NDST4: variants seen among roughly 807,000 people sequenced by gnomAD.
NDST4 encodes N-deacetylase and N-sulfotransferase 4, also known as N-heparan sulfate sulfotransferase 4.
In NDST4, 63 loss-of-function variants were observed where a neutral mutation model predicts 100.8. That is an observed-to-expected ratio of 0.62 (90% confidence interval 0.51 to 0.77). NDST4 has a LOEUF of 0.77. Among genes scored for constraint, NDST4 ranks in the 30% least tolerant of loss-of-function variants. The pLI is 0.00. For synonymous variants in NDST4, 377 were observed against 361.8 expected (o/e 1.04, Z -0.48); for missense variants, 943 against 1,018.4 (o/e 0.93, Z 1.01).
rs1372386707 is a variant in NDST4, at chr4:114,827,951, G to C, written c.2500-16C>G. On this transcript the variant is annotated splice_polypyrimidine_tract_variant and intron_variant, in intron 13 of 13. Transcript: ENST00000264363. Reference sequence around the variant, plus strand: ...ACGTTCTAGACTGGAAAGAAAAAAAGAAGAACTTGAAAGAAGCTCTTTGTT... The same window carrying C: ...ACGTTCTAGACTGGAAAGAAAAAAACAAGAACTTGAAAGAAGCTCTTTGTT... The C allele has an allele frequency of 1.6e-5, 25 of 1,576,920 alleles. No homozygotes were observed. The highest frequency in any genetic ancestry group is 2.1e-5 in the Non-Finnish European group (24 of 1,169,022).
intron 9 of NDST4, among the ~76,000 whole-genome samples, chr4:114,847,643 G>A (rs978482276): frequency 1.3e-4 from 20 of 151,814 alleles, no homozygotes; most frequent in African/African-American, 4.9e-4. Flanking sequence ...TTTAGTTTAG[G>A]GGAAATACTG....
chr4:114,970,664 AT>A, intron 3 of NDST4, 80 bp from the exon 4 acceptor site: 1 of 1,236,970 alleles, frequency 8.1e-7, no homozygotes, highest in Non-Finnish European at 1.1e-6. Flanking sequence ...ATTTATGTTA[AT>A]TTTTCATGCT....
chr4:115,011,600 T>C (rs1359844510), intron 2 of NDST4, among the ~76,000 whole-genome samples: 1 of 151,888 alleles, frequency 6.6e-6, no homozygotes, highest in Non-Finnish European at 1.5e-5. Flanking sequence ...ATTAGAGAAA[T>C]AGCAGTTTCA....
At chr4:115,045,005 G>A (rs962362268) in intron 2 of NDST4, among the ~76,000 whole-genome samples, 9 of 151,818 alleles carry the variant, frequency 5.9e-5, no homozygotes, top group South Asian at 4.2e-4. Context: ...TGGTATATAT[G>A]AAATGCAAGT....
chr4:114,986,832 A>ATATATATATATATTTTTTTTT, intron 2 of NDST4, among the ~76,000 whole-genome samples: 31 of 94,640 alleles, frequency 3.3e-4, no homozygotes, highest in South Asian at 1.3e-3. Context: ...ATATATATAT[A>ATATATATATATATTTTTTTTT]TTTTAATATA....
intron 2 of NDST4, among the ~76,000 whole-genome samples, chr4:115,040,222 A>T (rs1468518358): frequency 2.0e-5 from 3 of 151,066 alleles, no homozygotes; most frequent in Non-Finnish European, 4.4e-5. Context: ...GTAATCTATA[A>T]ATATTAAAAA....
intron 2 of NDST4, among the ~76,000 whole-genome samples, chr4:115,006,449 GT>G (rs1207294129): frequency 6.6e-6 from 1 of 152,076 alleles, no homozygotes; most frequent in African/African-American, 2.4e-5. Flanking sequence ...GAAAAAAGGG[GT>G]AGTAATAAAT....
chr4:114,986,651 C>T (rs1369388789), intron 2 of NDST4, among the ~76,000 whole-genome samples: 2 of 151,500 alleles, frequency 1.3e-5, no homozygotes, highest in Non-Finnish European at 2.9e-5. Flanking sequence ...TTCCCATGCT[C>T]TACTGAATTG....
At position 114,985,980 on chromosome 4, in the gene NDST4, G is replaced by A. The variant is rs186310501; in HGVS notation, c.979-8706C>T. ...TTAGCGTCGTTAATTTCAAAACTTT[G>A]TTACACAGGATTGGAGGGTAAGTTT... On this transcript the variant is annotated intron_variant, in intron 2 of 13. Transcript: ENST00000264363. Among the ~76,000 whole-genome samples the A allele has an allele frequency of 1.5e-3, 230 of 152,192 alleles. 2 individuals carry two copies. Among genetic ancestry groups the A allele is most frequent in the African/African-American group, 5.2e-3 (215 of 41,534 alleles).
intron 11 of NDST4, among the ~76,000 whole-genome samples, chr4:114,837,120 A>G (rs1723321637): frequency 6.6e-6 from 1 of 152,100 alleles, no homozygotes; most frequent in South Asian, 2.1e-4. Flanking sequence ...ACTGCTGTCA[A>G]TTCATCAATC....
At chr4:114,981,233 G>A (rs1161840249) in intron 2 of NDST4, among the ~76,000 whole-genome samples, 1 of 89,920 alleles carries the variant, frequency 1.1e-5, no homozygotes, top group Non-Finnish European at 2.5e-5. Flanking sequence ...AAGGAAGGAA[G>A]GAAGGAAGGA....
chr4:114,951,356 A>G (rs1725986527), intron 4 of NDST4, among the ~76,000 whole-genome samples: 2 of 152,054 alleles, frequency 1.3e-5, no homozygotes. Context: ...GGAGAATTGC[A>G]AAGCAAATTA....
intron 4 of NDST4, among the ~76,000 whole-genome samples, chr4:114,943,372 T>A (rs932146395): frequency 3.3e-5 from 5 of 152,016 alleles, no homozygotes; most frequent in East Asian, 1.9e-4. Flanking sequence ...CAGCATTAAC[T>A]CATCCAATGG....
At chr4:114,904,427 C>T (rs546689802) in intron 6 of NDST4, among the ~76,000 whole-genome samples, 1 of 151,880 alleles carries the variant, frequency 6.6e-6, no homozygotes, top group South Asian at 2.1e-4. Flanking sequence ...TGATATTATT[C>T]TCATTAATAA....
intron 2 of NDST4, among the ~76,000 whole-genome samples, chr4:115,073,146 T>C (rs950155584): frequency 1.3e-5 from 2 of 151,994 alleles, no homozygotes; most frequent in Non-Finnish European, 2.9e-5. Flanking sequence ...GAATGGCTGT[T>C]ATCAAAAGGA....
intron 7 of NDST4, among the ~76,000 whole-genome samples, chr4:114,870,052 T>G (rs1322104641): frequency 6.6e-6 from 1 of 152,126 alleles, no homozygotes; most frequent in African/African-American, 2.4e-5. Flanking sequence ...GCAGCCAGCC[T>G]ATTGATTTTG....
intron 6 of NDST4, among the ~76,000 whole-genome samples, chr4:114,925,326 T>C (rs1046006496): frequency 6.6e-6 from 1 of 152,200 alleles, no homozygotes; most frequent in Non-Finnish European, 1.5e-5. Flanking sequence ...GCACATAAAA[T>C]AGTTTTCTCT....
intron 2 of NDST4, among the ~76,000 whole-genome samples, chr4:115,005,032 G>A (rs1727383221): frequency 6.6e-6 from 1 of 151,922 alleles, no homozygotes; most frequent in Admixed American, 6.6e-5. Context: ...TATTAAAATT[G>A]AATTTCTTAA....
intron 2 of NDST4, among the ~76,000 whole-genome samples, chr4:114,990,559 TA>T (rs1312512665): frequency 5.3e-5 from 8 of 152,158 alleles, no homozygotes; most frequent in South Asian, 4.1e-4. Context: ...TAAAGTCACT[TA>T]AAAAAATCTT....
Sources: gnomAD v4.1 joint callset for allele counts (sites outside exome capture counted in the v4.1 genomes callset) on GRCh38, gnomAD v4.1.1 for gene constraint, MANE v1.5 for transcripts, NCBI Gene and HGNC (gene_info 2026-07-23, HGNC 2026-07-21) for gene names.